The following AKAP6 variants were observed in gnomAD, a reference collection of about 807,000 sequenced individuals.
AKAP6 encodes A-kinase anchoring protein 6.
AKAP6 carries 58 observed loss-of-function variants against 188.5 expected under a neutral mutation model. That is an observed-to-expected ratio of 0.31 (90% CI 0.25 to 0.38). The LOEUF is 0.38. AKAP6 is among the 10% of genes least tolerant of loss of function. The pLI, the probability that AKAP6 is intolerant of heterozygous loss-of-function variation, is 1.00. For synonymous variants in AKAP6, 989 were observed against 998.6 expected, an observed-to-expected ratio of 0.99 and a Z score of 0.18; for missense variants, 2,710 against 2,740.0, an observed-to-expected ratio of 0.99 and a Z score of 0.24.
chr14:32,752,704 C>A (rs1342402851), intron 11 of AKAP6, among the ~76,000 whole-genome samples: 1 of 152,170 alleles, frequency 6.6e-6, no homozygotes, highest in East Asian at 1.9e-4. Context: ...CTAGCCCAGT[C>A]TCTGGCAACT....
At chr14:32,697,764 T>A (rs2139702482) in intron 9 of AKAP6, among the ~76,000 whole-genome samples, 1 of 152,302 alleles carries the variant, frequency 6.6e-6, no homozygotes, top group African/African-American at 2.4e-5. Flanking sequence ...ATAATTTACA[T>A]CACAATTAAT....
rs529021224 is a variant in AKAP6 at position 32,757,672 on chromosome 14, G to A, written c.3373-16006G>A. Among the ~76,000 whole-genome samples the A allele has an allele frequency of 2.6e-5, 4 of 152,322 alleles. No homozygotes were observed. The South Asian group carries it at 6.2e-4, about 24-fold the overall frequency. On this transcript the variant is annotated intron_variant, in intron 11 of 13. Coordinates refer to ENST00000280979, the MANE Select transcript of AKAP6 (RefSeq NM_004274.5). ...TCTGTGTCAAGTGCTGGGCATGGTG[G>A]ATACTGTGGTGAGCCATATATAGTC...
At chr14:32,770,896 G>C (rs956629408) in intron 11 of AKAP6, among the ~76,000 whole-genome samples, 16 of 152,334 alleles carry the variant, frequency 1.1e-4, no homozygotes, top group African/African-American at 3.8e-4. Context: ...CATTTGAGGA[G>C]ATCAGGGAGG....
intron 7 of AKAP6, among the ~76,000 whole-genome samples, chr14:32,649,058 T>G (rs1288345669): frequency 2.0e-5 from 3 of 152,180 alleles, no homozygotes; most frequent in Non-Finnish European, 4.4e-5. Context: ...CTTTTTCTGC[T>G]TGAGCAGCAG....
intron 11 of AKAP6, among the ~76,000 whole-genome samples, chr14:32,743,372 T>C (rs932140035): frequency 2.0e-5 from 3 of 152,176 alleles, no homozygotes; most frequent in Non-Finnish European, 4.4e-5. Flanking sequence ...TTCAGCATTA[T>C]TATTGATAAG....
At chr14:32,505,561 C>A (rs1162114499) in intron 2 of AKAP6, among the ~76,000 whole-genome samples, 1 of 151,846 alleles carries the variant, frequency 6.6e-6, no homozygotes, top group Non-Finnish European at 1.5e-5. Context: ...CTGTGCCAAG[C>A]CATATTGGAG....
At chr14:32,446,256 T>C (rs1355336203) in intron 2 of AKAP6, among the ~76,000 whole-genome samples, 4 of 152,224 alleles carry the variant, frequency 2.6e-5, no homozygotes, top group Non-Finnish European at 4.4e-5. Context: ...CCATATGGAC[T>C]TGATGTGCTC....
chr14:32,747,561 T>G (rs2031964249), intron 11 of AKAP6, among the ~76,000 whole-genome samples: 1 of 152,176 alleles, frequency 6.6e-6, no homozygotes, highest in African/African-American at 2.4e-5. Flanking sequence ...TTAGGTTTTT[T>G]CCCCACCACA....
intron 9 of AKAP6, among the ~76,000 whole-genome samples, chr14:32,727,528 AAG>A (rs2139812265): frequency 6.6e-6 from 1 of 152,322 alleles, no homozygotes; most frequent in African/African-American, 2.4e-5. Context: ...ATTTATATTA[AAG>A]ATAATGCAAT....
chr14:32,701,737 C>T (rs1222897409), intron 9 of AKAP6, among the ~76,000 whole-genome samples: 1 of 152,078 alleles, frequency 6.6e-6, no homozygotes, highest in East Asian at 1.9e-4. Context: ...CACATTTCAG[C>T]TTTCTGGAAT....
At chr14:32,588,283 C>T (rs2139309183) in intron 5 of AKAP6, among the ~76,000 whole-genome samples, 1 of 152,248 alleles carries the variant, frequency 6.6e-6, no homozygotes, top group East Asian at 1.9e-4. Context: ...ATTTTAGCAG[C>T]TCCTTAATAT....
chr14:32,676,230 C>A (rs1470027004), intron 7 of AKAP6, among the ~76,000 whole-genome samples: 1 of 152,072 alleles, frequency 6.6e-6, no homozygotes, highest in African/African-American at 2.4e-5. Flanking sequence ...GACTATTGCT[C>A]AATATCTCTG....
chr14:32,357,566 G>A (rs1887522634), intron 1 of AKAP6, among the ~76,000 whole-genome samples: 1 of 152,226 alleles, frequency 6.6e-6, no homozygotes. Context: ...ACTGTGGACT[G>A]ATGTTTAAAA....
intron 7 of AKAP6, among the ~76,000 whole-genome samples, chr14:32,668,950 A>G (rs1178550211): frequency 1.3e-5 from 2 of 151,530 alleles, no homozygotes; most frequent in East Asian, 3.9e-4. Flanking sequence ...ATTTTTTAAT[A>G]CTTTTAGAAC....
intron 7 of AKAP6, among the ~76,000 whole-genome samples, chr14:32,611,667 C>A (rs1886357534): frequency 6.6e-6 from 1 of 152,212 alleles, no homozygotes; most frequent in South Asian, 2.1e-4. Flanking sequence ...GAATCTACAA[C>A]CTGAGGAGTG....
intron 12 of AKAP6, among the ~76,000 whole-genome samples, chr14:32,788,092 A>G (rs574213693): frequency 6.6e-6 from 1 of 151,792 alleles, no homozygotes; most frequent in East Asian, 1.9e-4. Context: ...TGATTTTTAA[A>G]TTACACATGA....
chr14:32,463,007 G>A (rs915320359), intron 2 of AKAP6, among the ~76,000 whole-genome samples: 17 of 137,766 alleles, frequency 1.2e-4, no homozygotes, highest in African/African-American at 4.6e-4. Flanking sequence ...ACAAAGAAAG[G>A]CATTACATAA....
chr14:32,499,350 G>C (rs962033037), intron 2 of AKAP6, among the ~76,000 whole-genome samples: 1 of 124,470 alleles, frequency 8.0e-6, no homozygotes, highest in Non-Finnish European at 1.7e-5. Context: ...AAAAAAAAGA[G>C]AGAAAGAGTG....
intron 7 of AKAP6, among the ~76,000 whole-genome samples, chr14:32,638,580 A>G (rs1014513189): frequency 6.6e-6 from 1 of 152,148 alleles, no homozygotes; most frequent in Non-Finnish European, 1.5e-5. Context: ...AGTTGATATT[A>G]TCTAATGGCC....
Sources: gnomAD v4.1 joint callset for allele counts (sites outside exome capture counted in the v4.1 genomes callset) on GRCh38, gnomAD v4.1.1 for gene constraint, MANE v1.5 for transcripts, NCBI Gene and HGNC (gene_info 2026-07-23, HGNC 2026-07-21) for gene names.